Variants in CDH18 observed in about 807,000 individuals in gnomAD.
The protein encoded by CDH18 is cadherin 18.
Under a neutral mutation model 67.9 loss-of-function variants are expected in CDH18, and 31 were observed. That is an observed-to-expected ratio of 0.46 (90% confidence interval 0.34 to 0.62). The LOEUF is 0.62. CDH18 is among the 20% of genes least tolerant of loss of function. The pLI, the probability that CDH18 is intolerant of heterozygous loss-of-function variation, is 0.01. For synonymous variants in CDH18, 362 were observed against 347.2 expected (o/e 1.04, Z -0.48); for missense variants, 890 against 975.5 (o/e 0.91, Z 1.17).
chr5:20,131,057 C>A (rs1749225338), intron 2 of CDH18, among the ~76,000 whole-genome samples: 1 of 151,998 alleles, frequency 6.6e-6, no homozygotes, highest in Non-Finnish European at 1.5e-5. Flanking sequence ...CACTTCATAT[C>A]ATTTAAAAAA....
chr5:20,259,612 T>C (rs766847970), intron 1 of CDH18, among the ~76,000 whole-genome samples: 19 of 152,208 alleles, frequency 1.2e-4, no homozygotes, highest in Non-Finnish European at 2.4e-4. Context: ...GAATACAGTA[T>C]TTAATACATA....
At chr5:19,960,702 T>C (rs911466905) in intron 2 of CDH18, among the ~76,000 whole-genome samples, 3 of 131,380 alleles carry the variant, frequency 2.3e-5, no homozygotes, top group Admixed American at 7.3e-5. Flanking sequence ...CGTGTATATA[T>C]GTATATATGT....
At chr5:20,164,735 A>T (rs1736158418) in intron 2 of CDH18, among the ~76,000 whole-genome samples, 1 of 152,226 alleles carries the variant, frequency 6.6e-6, no homozygotes, top group Non-Finnish European at 1.5e-5. Flanking sequence ...TTATATTTAG[A>T]TGTAACTCTT....
intron 2 of CDH18, among the ~76,000 whole-genome samples, chr5:20,139,696 AG>A (rs762713618): frequency 8.3e-4 from 127 of 152,340 alleles, no homozygotes; most frequent in Non-Finnish European, 1.5e-3. Flanking sequence ...ACATTCATGC[AG>A]CCCACAGACA....
intron 1 of CDH18, among the ~76,000 whole-genome samples, chr5:20,528,062 G>A (rs1046267987): frequency 1.3e-5 from 2 of 151,964 alleles, no homozygotes; most frequent in Non-Finnish European, 1.5e-5. Flanking sequence ...AAGGGATGGA[G>A]GAAAATTTAC....
At chr5:19,949,713 T>C (rs1795604660) in intron 2 of CDH18, among the ~76,000 whole-genome samples, 1 of 152,128 alleles carries the variant, frequency 6.6e-6, no homozygotes, top group Non-Finnish European at 1.5e-5. Flanking sequence ...TAAAATACGA[T>C]GGCAATGTAT....
chr5:20,159,078 A>G (rs1379436738), intron 2 of CDH18: 1 of 152,408 alleles, frequency 6.6e-6, no homozygotes, highest in African/African-American at 2.4e-5. Context: ...AAAATTTAGA[A>G]GATGAATTCA....
intron 9 of CDH18, among the ~76,000 whole-genome samples, chr5:19,531,805 CTGAAAATAA>C (rs1748666648): frequency 6.6e-6 from 1 of 152,074 alleles, no homozygotes; most frequent in Non-Finnish European, 1.5e-5. Flanking sequence ...GTGTGGCTTC[CTGAAAATAA>C]TGACTCATAA....
At chr5:20,273,655 T>G (rs1036499106) in intron 1 of CDH18, among the ~76,000 whole-genome samples, 1 of 152,094 alleles carries the variant, frequency 6.6e-6, no homozygotes, top group African/African-American at 2.4e-5. Context: ...AAAATACATA[T>G]TTTATATTTG....
intron 2 of CDH18, among the ~76,000 whole-genome samples, chr5:20,066,221 C>T (rs557264412): frequency 1.6e-4 from 25 of 151,988 alleles, no homozygotes; most frequent in Non-Finnish European, 3.1e-4. Flanking sequence ...CTGAAACACA[C>T]GAAGAAAACT....
chr5:20,025,806 A>G (rs1738846958), intron 2 of CDH18, among the ~76,000 whole-genome samples: 1 of 152,194 alleles, frequency 6.6e-6, no homozygotes, highest in Non-Finnish European at 1.5e-5. Context: ...ATCAGTGTTC[A>G]AGATTGTTTT....
chr5:20,328,955 TG>T (rs1308558411), intron 1 of CDH18, among the ~76,000 whole-genome samples: 1 of 119,316 alleles, frequency 8.4e-6, no homozygotes, highest in African/African-American at 2.5e-5. Flanking sequence ...TCAGCTCCCC[TG>T]GGTTACAGAG....
chr5:20,271,710 G>C (rs1745446223), intron 1 of CDH18, among the ~76,000 whole-genome samples: 1 of 151,988 alleles, frequency 6.6e-6, no homozygotes, highest in Non-Finnish European at 1.5e-5. Flanking sequence ...CAAGGAAACA[G>C]ACCTCAGGGA....
chr5:20,144,927 A>G (rs557359307), intron 2 of CDH18, among the ~76,000 whole-genome samples: 2 of 152,280 alleles, frequency 1.3e-5, no homozygotes, highest in East Asian at 3.9e-4. Context: ...ATGCTCTACC[A>G]GCCAAGGAAT....
intron 1 of CDH18, among the ~76,000 whole-genome samples, chr5:20,544,551 A>T (rs1225390706): frequency 1.3e-5 from 2 of 150,870 alleles, no homozygotes; most frequent in Non-Finnish European, 2.9e-5. Flanking sequence ...GAAGCAAGGC[A>T]CATCTTACAT....
At chr5:20,375,524 A>T (rs749595967) in intron 1 of CDH18, among the ~76,000 whole-genome samples, 8 of 152,226 alleles carry the variant, frequency 5.3e-5, no homozygotes, top group Non-Finnish European at 1.0e-4. Context: ...ACAGTTTATT[A>T]AAGAGTTCCC....
rs538664237 is a variant in CDH18, at chr5:19,487,642, T to C, written c.1631-4090A>G. On this transcript the variant is annotated intron_variant, in intron 11 of 12. Transcript: ENST00000382275. ...CCATACCCTTAGTTTAATGCAGAAA[T>C]AGTGTTGCATGTATTTTAATATTTA... 1.6e-4 allele frequency among the ~76,000 whole-genome samples: 24 copies of C among 152,262 alleles called. No individual in the cohort carries two copies. The East Asian group carries it at 2.5e-3, about 16-fold the overall frequency.
chr5:20,533,172 A>G (rs1347179826), intron 1 of CDH18, among the ~76,000 whole-genome samples: 1 of 152,070 alleles, frequency 6.6e-6, no homozygotes, highest in Non-Finnish European at 1.5e-5. Context: ...CAAGTCAAGG[A>G]ATGTCTAAGG....
chr5:19,761,111 G>A (rs570368718), intron 3 of CDH18, among the ~76,000 whole-genome samples: 2 of 152,200 alleles, frequency 1.3e-5, no homozygotes, highest in South Asian at 4.1e-4. Flanking sequence ...ACCTGGCGAG[G>A]TCGTGCATGC....
Sources: gnomAD v4.1 joint callset for allele counts (sites outside exome capture counted in the v4.1 genomes callset) on GRCh38, gnomAD v4.1.1 for gene constraint, MANE v1.5 for transcripts, NCBI Gene and HGNC (gene_info 2026-07-23, HGNC 2026-07-21) for gene names.